BCAS3: variants seen among roughly 807,000 people sequenced by gnomAD.
BCAS3 encodes BCAS3 microtubule associated cell migration factor.
Under a neutral mutation model 116.1 loss-of-function variants are expected in BCAS3, and 53 were observed. The observed-to-expected ratio is 0.46, with a 90% CI of 0.37 to 0.57. The LOEUF is 0.57. Ranked by LOEUF, BCAS3 falls within the 20% of genes least tolerant of loss-of-function variation. The pLI is 0.00. For synonymous variants in BCAS3, 391 were observed against 408.2 expected (o/e 0.96, Z 0.51); for missense variants, 917 against 1,165.4 (o/e 0.79, Z 3.10).
rs774977956 is a variant in BCAS3, at chr17:60,689,635, A to T, written c.139-51A>T. ...AGTCACTTTGTTTTGAACATCAGTA[A>T]TATTAAAGCTGTAAAATATGTTTAT... is the stretch of plus-strand genomic sequence containing the variant. On this transcript the variant is annotated intron_variant, in intron 3 of 23. Coordinates refer to ENST00000407086, the MANE Select transcript of BCAS3 (RefSeq NM_017679.5). The T allele has an allele frequency of 2.9e-6, 4 of 1,358,518 alleles. No homozygotes were observed. In the South Asian group the frequency reaches 4.9e-5, roughly 17 times the overall value. 84.2% of individuals were successfully genotyped at this position (1,358,518 alleles called of 1,614,324 possible).
chr17:61,067,317 T>TATA (rs2070778205), intron 19 of BCAS3, among the ~76,000 whole-genome samples: 133 of 59,628 alleles, frequency 2.2e-3, no homozygotes, highest in African/African-American at 4.6e-3. Context: ...ATATATATAT[T>TATA]TATACAGACT....
At chr17:60,909,350 G>A (rs1277564917) in intron 11 of BCAS3, among the ~76,000 whole-genome samples, 1 of 151,980 alleles carries the variant, frequency 6.6e-6, no homozygotes, top group Non-Finnish European at 1.5e-5. Context: ...GAAATACCAT[G>A]TATATAATAG....
At chr17:61,076,791 A>G (rs377424850) in intron 20 of BCAS3, among the ~76,000 whole-genome samples, 1 of 152,178 alleles carries the variant, frequency 6.6e-6, no homozygotes, top group Non-Finnish European at 1.5e-5. Flanking sequence ...TCTGTGGCCT[A>G]ATTTACATTG....
rs114291442 is a variant in BCAS3 at position 60,714,233 on chromosome 17, A to G, written c.321+4908A>G. ...TCCTCCTGCCGTGGCCTCCCAAACC[A>G]CTGGGATTACAGATGTAAGCCATCA... is the stretch of plus-strand genomic sequence containing the variant. On this transcript the variant is annotated intron_variant, in intron 5 of 23. Coordinates refer to ENST00000407086, the MANE Select transcript of BCAS3 (RefSeq NM_017679.5). 4.1e-3 allele frequency among the ~76,000 whole-genome samples: 628 copies of G among 152,184 alleles called. 13 individuals are homozygous for G. The highest frequency in any genetic ancestry group is 0.014 in the African/African-American group (584 of 41,526).
intron 22 of BCAS3, among the ~76,000 whole-genome samples, chr17:61,275,948 G>A (rs1251459684): frequency 6.6e-6 from 1 of 152,152 alleles, no homozygotes; most frequent in Admixed American, 6.6e-5. Context: ...AATTGATACA[G>A]TACAAAGTCA....
chr17:60,940,456 T>C (rs1333148296), intron 13 of BCAS3, among the ~76,000 whole-genome samples: 1 of 152,222 alleles, frequency 6.6e-6, no homozygotes, highest in Admixed American at 6.5e-5. Context: ...GGGACCTTTG[T>C]TTTCCAGTAT....
rs1271633641 is a variant in BCAS3 at position 61,068,307 on chromosome 17, A to G, written c.2030-6613A>G. 2.0e-5 allele frequency among the ~76,000 whole-genome samples: 3 copies of G among 152,188 alleles called. No individual in the cohort carries two copies. The highest frequency in any genetic ancestry group is 4.8e-5 in the African/African-American group (2 of 41,440). The stretch of plus-strand genomic sequence containing the variant: ...AATCTCAATCAATTATACCACCTCC[A>G]AAGTTACATCTAAATTCTCTAGGGT... On this transcript the variant is annotated intron_variant, in intron 19 of 23. Coordinates refer to ENST00000407086, the MANE Select transcript of BCAS3 (RefSeq NM_017679.5). The surrounding 1 kb of genome is among the most constrained non-coding windows in gnomAD (Gnocchi z 4.3).
chr17:60,724,135 T>A (rs2039558370), intron 5 of BCAS3, among the ~76,000 whole-genome samples: 1 of 151,818 alleles, frequency 6.6e-6, no homozygotes, highest in African/African-American at 2.4e-5. Flanking sequence ...ATGCAAATAT[T>A]CTTCTAGGCT....
chr17:60,700,900 G>GA (rs1253268380), intron 4 of BCAS3, among the ~76,000 whole-genome samples: 1 of 152,134 alleles, frequency 6.6e-6, no homozygotes, highest in Non-Finnish European at 1.5e-5. Flanking sequence ...AATGTTAGAT[G>GA]AAAAATAATG....
chr17:60,793,609 G>T (rs879316588), intron 6 of BCAS3, among the ~76,000 whole-genome samples: 7 of 151,842 alleles, frequency 4.6e-5, no homozygotes, highest in Non-Finnish European at 4.4e-5. Flanking sequence ...ATGACTTTGC[G>T]TCCTCATAGC....
intron 22 of BCAS3, among the ~76,000 whole-genome samples, chr17:61,296,585 T>C (rs769316967): frequency 6.6e-6 from 1 of 152,226 alleles, no homozygotes; most frequent in Non-Finnish European, 1.5e-5. Context: ...TTGCAGTTAT[T>C]ACTATGTTTT....
At chr17:61,111,313 C>A (rs1358590931) in intron 22 of BCAS3, among the ~76,000 whole-genome samples, 56 of 151,806 alleles carry the variant, frequency 3.7e-4, no homozygotes, top group Admixed American at 1.2e-3. Flanking sequence ...ATTCAAACCA[C>A]AGGCAAAGAA....
At chr17:61,330,889 T>C (rs763091477) in intron 22 of BCAS3, among the ~76,000 whole-genome samples, 4 of 152,234 alleles carry the variant, frequency 2.6e-5, no homozygotes, top group Non-Finnish European at 5.9e-5. Flanking sequence ...TCTGCCAGCG[T>C]TGACATCCTG....
At chr17:61,177,658 T>TG (rs2079223435) in intron 22 of BCAS3, among the ~76,000 whole-genome samples, 1 of 152,246 alleles carries the variant, frequency 6.6e-6, no homozygotes. Context: ...TGTATACATA[T>TG]GTTAAAACTT....
chr17:60,875,486 G>A lies in BCAS3; in HGVS notation c.661+748G>A, dbSNP rs150326251. 4.9e-3 allele frequency among the ~76,000 whole-genome samples: 747 copies of A among 152,082 alleles called. 10 individuals are homozygous for A. The highest frequency in any genetic ancestry group is 0.017 in the African/African-American group (703 of 41,544). On this transcript the variant is annotated intron_variant, in intron 9 of 23. Coordinates refer to ENST00000407086, the MANE Select transcript of BCAS3 (RefSeq NM_017679.5). ...TCAAAGAAAGCAATTTAGCAGTTTC[G>A]TATTACCAATTTTACTATAATTTCT...
In BCAS3 at chr17:61,235,257, G is replaced by A. The variant is rs1568631849; in HGVS notation, c.2426-133070G>A. 6.6e-6 allele frequency among the ~76,000 whole-genome samples: 1 copy of A among 152,202 alleles called. No homozygotes were observed. Among genetic ancestry groups the A allele is most frequent in the East Asian group, 1.9e-4 (1 of 5,196 alleles). On this transcript the variant is annotated intron_variant, in intron 22 of 23. Transcript: ENST00000407086. This position sits in a 1 kb window ranked among gnomAD's most constrained non-coding sequence, Gnocchi z 5.0. Reference sequence around the variant, plus strand: ...TTGGTCTCTTTGAAAAGAGTGGCCAGGTGAAGGCTGAAGGACCGGATAAGT... The same window carrying A: ...TTGGTCTCTTTGAAAAGAGTGGCCAAGTGAAGGCTGAAGGACCGGATAAGT...
Position 60,960,194 on chromosome 17 carries a change from C to T in BCAS3, c.1221+12842C>T, listed in dbSNP as rs959786345. Among the ~76,000 whole-genome samples the T allele has an allele frequency of 6.6e-5, 10 of 152,122 alleles. No individual in the cohort carries two copies. Among genetic ancestry groups the T allele is most frequent in the African/African-American group, 2.4e-4 (10 of 41,416 alleles). Reference sequence around the variant, plus strand: ...GTTCATGCCATATGCTAAGTATTACCTCTTTTCCCTACCAACATCCCCAAA... The same window carrying T: ...GTTCATGCCATATGCTAAGTATTACTTCTTTTCCCTACCAACATCCCCAAA... On this transcript the variant is annotated intron_variant, in intron 14 of 23. Transcript: ENST00000407086. This position sits in a 1 kb window ranked among gnomAD's most constrained non-coding sequence, Gnocchi z 4.1.
At chr17:60,879,136 T>G (rs2144936720) in intron 9 of BCAS3, among the ~76,000 whole-genome samples, 1 of 152,280 alleles carries the variant, frequency 6.6e-6, no homozygotes, top group East Asian at 1.9e-4. Context: ...AGATAGCATT[T>G]GTGGTAGTTC....
rs75288690 is a variant in BCAS3 at position 61,256,250 on chromosome 17, T to TTTTGTTTGTTTG, written c.2426-112057_2426-112046dup. 4.6e-5 allele frequency among the ~76,000 whole-genome samples: 7 copies of TTTTGTTTGTTTG among 151,588 alleles called. No individual in the cohort carries two copies. The highest frequency in any genetic ancestry group is 7.4e-5 in the Non-Finnish European group (5 of 67,924). On this transcript the variant is annotated intron_variant, in intron 22 of 23. Coordinates refer to ENST00000407086, the MANE Select transcript of BCAS3 (RefSeq NM_017679.5). The surrounding 1 kb of genome is among the most constrained non-coding windows in gnomAD (Gnocchi z 5.6). ...TCTTCAAGCCAAGAGGTAGTTTGGT[T>TTTTGTTTGTTTG]TTTGTTTGTTTGTTTGTTTGTTTGT...
Sources: allele counts gnomAD v4.1 joint callset (sites outside exome capture counted in the v4.1 genomes callset), GRCh38; gene constraint gnomAD v4.1.1; non-coding constraint Gnocchi (gnomAD v3.1); transcripts MANE v1.5; gene names NCBI Gene and HGNC (gene_info 2026-07-23, HGNC 2026-07-21).